Variants in PTGIS observed in about 807,000 individuals in gnomAD.
PTGIS encodes prostacyclin synthase.
PTGIS carries 45 observed loss-of-function variants against 50.3 expected under a neutral mutation model. That is an observed-to-expected ratio of 0.90 (90% CI 0.70 to 1.15). PTGIS has a LOEUF of 1.15. Ranked by LOEUF, PTGIS falls within the 50% of genes most tolerant of loss-of-function variation. PTGIS has a pLI of 0.00. For missense variants in PTGIS, 668 were observed against 661.3 expected, an observed-to-expected ratio of 1.01 and a Z score of -0.11; for synonymous variants, 260 against 267.7, an observed-to-expected ratio of 0.97 and a Z score of 0.28.
At chr20:49,534,884 T>C (rs746057562) in intron 5 of PTGIS, among the ~76,000 whole-genome samples, 2 of 152,158 alleles carry the variant, frequency 1.3e-5, no homozygotes, top group Non-Finnish European at 2.9e-5. Context: ...CACGTGCCTG[T>C]AGTCCCAGCT....
At position 49,563,880 on chromosome 20, in the gene PTGIS, G is replaced by A. The variant is rs1362187377; in HGVS notation, c.74+4163C>T. Reference sequence around the variant, plus strand: ...GATCTCTCTCAGTGCTCCCTGTGGTGGTCACACAAGCCCAAAGGAAGAGAT... The same window carrying A: ...GATCTCTCTCAGTGCTCCCTGTGGTAGTCACACAAGCCCAAAGGAAGAGAT... On this transcript the variant is annotated intron_variant, in intron 1 of 9. Transcript: ENST00000244043. Among the ~76,000 whole-genome samples, 4 of 152,190 alleles carry A rather than the reference G, an allele frequency of 2.6e-5. No individual in the cohort carries two copies. In the East Asian group the frequency reaches 7.7e-4, roughly 29 times the overall value.
rs1394861376 is a variant in PTGIS at position 49,514,213 on chromosome 20, T to G, written c.1024+14A>C. The G allele has an allele frequency of 4.3e-6, 7 of 1,612,766 alleles. No individual in the cohort carries two copies. In the African/African-American group the frequency reaches 5.3e-5, roughly 12 times the overall value. On this transcript the variant is annotated intron_variant, in intron 7 of 9. Coordinates refer to ENST00000244043, the MANE Select transcript of PTGIS (RefSeq NM_000961.4). ...CAGTCTTAGGGGCTATCTTGGAGGG[T>G]CTGACGATCTCACCAAGCACAGGTG...
chr20:49,547,921 A>G lies in PTGIS; in HGVS notation c.297T>C (p.Tyr99=). Residue 99 remains tyrosine, a synonymous_variant, in exon 3 of 10, where the codon TAT becomes TAC. Coordinates refer to ENST00000244043, the MANE Select transcript of PTGIS (RefSeq NM_000961.4). ...EPRTRLDFHA[Y]AIFLMERIFD... ...AAATCCTCTCCATGAGGAAGATGGCATAGGCATGGAAGTCGAGCCTGGTGC... is the reference window on the plus strand; with the variant it reads ...AAATCCTCTCCATGAGGAAGATGGCGTAGGCATGGAAGTCGAGCCTGGTGC... The G allele has an allele frequency of 6.2e-7, 1 of 1,614,180 alleles. No individual in the cohort carries two copies.
At chr20:49,516,043 G>GT (rs10596062) in intron 6 of PTGIS, among the ~76,000 whole-genome samples, 2,830 of 141,096 alleles carry the variant, frequency 0.02, 35 homozygotes, top group Non-Finnish European at 0.027. Context: ...ACCCAGCTAG[G>GT]TTTTTTTTTT....
At chr20:49,528,382 C>A (rs1017025936) in intron 5 of PTGIS, among the ~76,000 whole-genome samples, 1 of 151,820 alleles carries the variant, frequency 6.6e-6, no homozygotes, top group East Asian at 1.9e-4. Flanking sequence ...GAGGCCGAGA[C>A]GGGCAGATCA....
chr20:49,561,503 G>A (rs756728336), intron 1 of PTGIS, among the ~76,000 whole-genome samples: 5 of 152,128 alleles, frequency 3.3e-5, no homozygotes, highest in Admixed American at 6.5e-5. Flanking sequence ...TCCACGTGTC[G>A]TGCTGCCCAA....
At position 49,561,769 on chromosome 20, in the gene PTGIS, G is replaced by A. The variant is rs918573910; in HGVS notation, c.74+6274C>T. On this transcript the variant is annotated intron_variant, in intron 1 of 9. Coordinates refer to ENST00000244043, the MANE Select transcript of PTGIS (RefSeq NM_000961.4). ...AATGCTACTGACTGCATTGGGCTGT[G>A]CCAAGGATGAGGGGAGTTACAGAGC... 2.0e-5 allele frequency among the ~76,000 whole-genome samples: 3 copies of A among 152,174 alleles called. No individual in the cohort carries two copies. The East Asian group carries it at 5.8e-4, about 29-fold the overall frequency.
At chr20:49,527,145 T>C (rs1369391614) in intron 5 of PTGIS, among the ~76,000 whole-genome samples, 1 of 151,852 alleles carries the variant, frequency 6.6e-6, no homozygotes, top group East Asian at 1.9e-4. Flanking sequence ...TAAAAAGGAA[T>C]GAAATTCTGA....
intron 1 of PTGIS, among the ~76,000 whole-genome samples, chr20:49,557,775 A>G (rs1447351074): frequency 6.6e-6 from 1 of 152,136 alleles, no homozygotes; most frequent in Non-Finnish European, 1.5e-5. Flanking sequence ...CTCTATGTTC[A>G]CCTTATTTTA....
chr20:49,558,426 G>A (rs1982675655), intron 1 of PTGIS, among the ~76,000 whole-genome samples: 1 of 152,150 alleles, frequency 6.6e-6, no homozygotes, highest in South Asian at 2.1e-4. Flanking sequence ...TGTTAGCAAG[G>A]ATGTGGAGAA....
At chr20:49,524,361 GTTCC>G in intron 5 of PTGIS, 122 bp from the exon 6 acceptor site, 1 of 1,142,656 alleles carries the variant, frequency 8.8e-7, no homozygotes, top group Non-Finnish European at 1.2e-6. Context: ...AGGGTGGGGA[GTTCC>G]TGTGGGAAAG....
At chr20:49,526,318 C>G (rs376132677) in intron 5 of PTGIS, among the ~76,000 whole-genome samples, 1 of 152,218 alleles carries the variant, frequency 6.6e-6, no homozygotes, top group Non-Finnish European at 1.5e-5. Flanking sequence ...AAATTTAACA[C>G]AGCTTTAGAA....
intron 6 of PTGIS, among the ~76,000 whole-genome samples, chr20:49,519,073 G>T (rs1352427948): frequency 6.6e-6 from 1 of 152,154 alleles, no homozygotes; most frequent in Non-Finnish European, 1.5e-5. Flanking sequence ...GGCATTACCA[G>T]CATCAGTGGG....
Position 49,524,262 on chromosome 20 carries a change from G to GT in PTGIS, c.674-24dup, listed in dbSNP as rs149984737. On this transcript the variant is annotated intron_variant, in intron 5 of 9. Transcript: ENST00000244043. The stretch of plus-strand genomic sequence containing the variant: ...CCCCTGCAGGGACAGAGCACAGAGA[G>GT]TAGGGGTTACAGATTCACCATCCCA... 6,595 of 1,612,538 alleles carry GT rather than the reference G, an allele frequency of 4.1e-3. 102 individuals are homozygous for GT. The highest frequency in any genetic ancestry group is 0.035 in the African/African-American group (2,636 of 75,044).
intron 1 of PTGIS, among the ~76,000 whole-genome samples, chr20:49,555,553 G>C (rs1043032227): frequency 8.5e-5 from 13 of 152,072 alleles, no homozygotes; most frequent in African/African-American, 3.1e-4. Flanking sequence ...ATATGAAATG[G>C]TGTTTAATCT....
intron 2 of PTGIS, 101 bp downstream of exon 2, chr20:49,549,965 G>C (rs1982462712): frequency 6.3e-7 from 1 of 1,579,546 alleles, no homozygotes. Flanking sequence ...TGGTGGGGTG[G>C]GGGGGTTGGC....
chr20:49,536,870 G>A (rs1333942384), intron 5 of PTGIS, among the ~76,000 whole-genome samples: 2 of 152,044 alleles, frequency 1.3e-5, no homozygotes, highest in Non-Finnish European at 2.9e-5. Flanking sequence ...AGATGAGATC[G>A]CTGAGGCACA....
rs1178895880 is a variant in PTGIS, at chr20:49,520,069, C to T, written c.855+3989G>A. On this transcript the variant is annotated intron_variant, in intron 6 of 9. Transcript: ENST00000244043. ...TCAGAGCCCTACAGCAGGCACCTGT[C>T]TCACTCACAGTAAAAGCCAAAGCCC... Among the ~76,000 whole-genome samples the T allele has an allele frequency of 2.0e-5, 3 of 152,324 alleles. No homozygotes were observed. In the East Asian group the frequency reaches 5.8e-4, roughly 29 times the overall value.
intron 1 of PTGIS, among the ~76,000 whole-genome samples, chr20:49,565,219 G>A (rs1982867687): frequency 6.6e-6 from 1 of 151,634 alleles, no homozygotes; most frequent in Non-Finnish European, 1.5e-5. Context: ...CTGACCTCGT[G>A]ATCCGCCCTC....
Sources: allele counts gnomAD v4.1 joint callset (sites outside exome capture counted in the v4.1 genomes callset), GRCh38; gene constraint gnomAD v4.1.1; transcripts MANE v1.5; gene names NCBI Gene and HGNC (gene_info 2026-07-23, HGNC 2026-07-21).